PUS3: variants seen among roughly 807,000 people sequenced by gnomAD.
PUS3 encodes tRNA pseudouridine(38/39) synthase.
Under a neutral mutation model 43.3 loss-of-function variants are expected in PUS3, and 36 were observed. That is an observed-to-expected ratio of 0.83 (90% CI 0.64 to 1.10). The LOEUF is 1.10. Ranked by LOEUF, PUS3 falls within the 50% of genes least tolerant of loss-of-function variation. The pLI, the probability that PUS3 is intolerant of heterozygous loss-of-function variation, is 0.00. For synonymous variants in PUS3, 183 were observed against 199.2 expected, an observed-to-expected ratio of 0.92 and a Z score of 0.69; for missense variants, 544 against 589.9, an observed-to-expected ratio of 0.92 and a Z score of 0.81.
Position 125,895,646 on chromosome 11 carries a change from T to C in PUS3, c.522A>G (p.Ile174Met). 6.2e-7 allele frequency: 1 copy of C among 1,614,240 alleles called. No homozygotes were observed. The highest frequency in any genetic ancestry group is 8.5e-7 in the Non-Finnish European group (1 of 1,180,042). ...TTGGTTCTACAGGGGCCCAGGCCAA[T>C]ATACGGATGTCTGGAGGGAGTACCC... ...LNRVLPPDIRILAWAPVEPSF... is the reference protein window; with the variant it reads ...LNRVLPPDIRMLAWAPVEPSF... The change falls in exon 3 of 4, where the codon ATA becomes ATG. Residue 174 changes from isoleucine to methionine, a missense_variant. Ile to Met is a conservative substitution (Grantham distance 10, BLOSUM62 1). Coordinates refer to ENST00000227474, the MANE Select transcript of PUS3 (RefSeq NM_031307.4).
intron 1 of PUS3, among the ~76,000 whole-genome samples, chr11:125,902,579 C>T (rs1944807269): frequency 6.9e-6 from 1 of 145,876 alleles, no homozygotes; most frequent in African/African-American, 2.6e-5. Flanking sequence ...CGCCACTTCA[C>T]TCAGCCTGGG....
Position 125,895,580 on chromosome 11 carries a change from G to A in PUS3, c.588C>T (p.Arg196=), listed in dbSNP as rs533170206. The change falls in exon 3 of 4, where the codon CGC becomes CGT. Residue 196 remains arginine, a synonymous_variant. Coordinates refer to ENST00000227474, the MANE Select transcript of PUS3 (RefSeq NM_031307.4). ...CTAAATCAGCACGAGGGAAAAAATA[G>A]CGGTAAGTCCGCTCAAGGCAGCTGA... ...ARFSCLERTY[R]YFFPRADLDI... 6.2e-7 allele frequency: 1 copy of A among 1,614,180 alleles called. No homozygotes were observed. Among genetic ancestry groups the A allele is most frequent in the African/African-American group, 1.3e-5 (1 of 75,050 alleles).
At chr11:125,902,277 A>G (rs1944795280) in intron 1 of PUS3, among the ~76,000 whole-genome samples, 1 of 151,852 alleles carries the variant, frequency 6.6e-6, no homozygotes, top group Non-Finnish European at 1.5e-5. Flanking sequence ...ACCAATTACA[A>G]ACTAAAACGG....
In PUS3 at chr11:125,896,213, C is replaced by T. The variant is rs757946102; in HGVS notation, c.72G>A (p.Glu24=). 1.2e-6 allele frequency: 2 copies of T among 1,614,066 alleles called. No individual in the cohort carries two copies. The highest frequency in any genetic ancestry group is 4.5e-5 in the East Asian group (2 of 44,878). The stretch of plus-strand genomic sequence containing the variant: ...CCTGTTCCTTTTTAAGTCTTTGCAC[C>T]TCTTGCTCCAGTTCTCGTACTCTTT... The part of the protein sequence containing the change: ...LLKRVRELEQ[E]VQRLKKEQAK... The change falls in exon 2 of 4, where the codon GAG becomes GAA. Residue 24 remains glutamate (E), a synonymous_variant. Coordinates refer to ENST00000227474, the MANE Select transcript of PUS3 (RefSeq NM_031307.4).
At position 125,895,908 on chromosome 11, in the gene PUS3, T is replaced by C. The variant is rs1944569921; in HGVS notation, c.377A>G (p.Gln126Arg). 2.5e-6 allele frequency: 4 copies of C among 1,611,918 alleles called. No individual in the cohort carries two copies. Among genetic ancestry groups the C allele is most frequent in the Non-Finnish European group, 3.4e-6 (4 of 1,179,804 alleles). ...GAGAAACAGTGTATTGGCCCTTACC[T>C]GTCCAAAGGCACTAACTCCTTTATC... is the stretch of plus-strand genomic sequence containing the variant. ...RTDKGVSAFG[Q>R]VISLDLRSQF... The change falls in exon 2 of 4, where the codon CAG (glutamine) becomes CGG (arginine). Residue 126 changes from glutamine to arginine, a missense_variant and splice_region_variant. By Grantham distance (43) the Gln-to-Arg change is conservative. Coordinates refer to ENST00000227474, the MANE Select transcript of PUS3 (RefSeq NM_031307.4).
chr11:125,894,108 G>A lies in PUS3; in HGVS notation c.1123C>T (p.Pro375Ser), dbSNP rs767630516. Residue 375 changes from proline (P) to serine (S), a missense_variant, in exon 4 of 4, where the codon CCC becomes TCC. Coordinates refer to ENST00000227474, the MANE Select transcript of PUS3 (RefSeq NM_031307.4). ...MLQGLDTVPVPCGIGPKMDGM... is the reference protein window; with the variant it reads ...MLQGLDTVPVSCGIGPKMDGM... Reference sequence around the variant, plus strand: ...TCCATCTTTGGTCCTATTCCACAGGGTACTGGAACAGTGTCCAGTCCTTGT... The same window carrying A: ...TCCATCTTTGGTCCTATTCCACAGGATACTGGAACAGTGTCCAGTCCTTGT... 41 of 1,613,858 alleles carry A rather than the reference G, an allele frequency of 2.5e-5. No individual in the cohort carries two copies. Among genetic ancestry groups the A allele is most frequent in the Non-Finnish European group, 3.2e-5 (38 of 1,179,936 alleles).
chr11:125,899,141 G>C (rs1319183150), intron 1 of PUS3: 1 of 542,296 alleles, frequency 1.8e-6, no homozygotes, highest in African/African-American at 1.9e-5. Flanking sequence ...GCAGGAGTAA[G>C]AGTGGAAATG....
chr11:125,898,827 A>G (rs747954367), intron 1 of PUS3, among the ~76,000 whole-genome samples: 1 of 152,146 alleles, frequency 6.6e-6, no homozygotes, highest in African/African-American at 2.4e-5. Flanking sequence ...GTCTGAAGCC[A>G]AACTGCTTGA....
At chr11:125,901,138 T>C (rs1944763057) in intron 1 of PUS3, among the ~76,000 whole-genome samples, 1 of 152,220 alleles carries the variant, frequency 6.6e-6, no homozygotes. Flanking sequence ...TTTAAAATAC[T>C]TTCTAACAAA....
At chr11:125,900,280 C>T in intron 1 of PUS3, 5 of 1,613,124 alleles carry the variant, frequency 3.1e-6, no homozygotes, top group Non-Finnish European at 4.2e-6. Context: ...TCTTTTTAAA[C>T]TTCTTTCACA....
Position 125,899,957 on chromosome 11 carries a change from C to T in PUS3, c.-47+3213G>A, listed in dbSNP as rs192439596. On this transcript the variant is annotated intron_variant, in intron 1 of 3. Transcript: ENST00000227474. ...TGCCAGCAGACCCAAGTCCTTTATT[C>T]TCCCAAAGCTGGACCAGTTAAGCCG... The T allele has an allele frequency of 1.9e-5, 30 of 1,614,240 alleles. No homozygotes were observed. The East Asian group carries it at 5.1e-4, about 28-fold the overall frequency.
In PUS3 at chr11:125,893,717, T is replaced by A; in HGVS notation, c.*68A>T. The A allele has an allele frequency of 1.5e-6, 2 of 1,311,456 alleles. No individual in the cohort carries two copies. The highest frequency in any genetic ancestry group is 1.8e-5 in the South Asian group (1 of 54,084). 81.2% of individuals were successfully genotyped at this position (1,311,456 alleles called of 1,614,324 possible). On this transcript the variant is annotated 3_prime_UTR_variant, in exon 4 of 4. Coordinates refer to ENST00000227474, the MANE Select transcript of PUS3 (RefSeq NM_031307.4). ...GAATTCCTAGTACTTGCAAGTAAATTTTTTTTTTTTTCCTTTTCTGTCCAC... is the reference window on the plus strand; with the variant it reads ...GAATTCCTAGTACTTGCAAGTAAATATTTTTTTTTTTCCTTTTCTGTCCAC...
Position 125,900,229 on chromosome 11 carries a change from C to T in PUS3, c.-47+2941G>A, listed in dbSNP as rs1336346220. The T allele has an allele frequency of 6.2e-7, 1 of 1,614,158 alleles. No homozygotes were observed. Among genetic ancestry groups the T allele is most frequent in the Non-Finnish European group, 8.5e-7 (1 of 1,180,022 alleles). On this transcript the variant is annotated intron_variant, in intron 1 of 3. Transcript: ENST00000227474. The stretch of plus-strand genomic sequence containing the variant: ...TTCGTTGTGACCTTGCAAATGGTGT[C>T]ATACCCAGGAAGCTTCCCTTCCCTC...
chr11:125,899,754 G>A (rs1448294428), intron 1 of PUS3: 1 of 1,614,052 alleles, frequency 6.2e-7, no homozygotes. Flanking sequence ...CAGGATCTCT[G>A]GGACTTAAGA....
rs1015774005 is a variant in PUS3, at chr11:125,900,262, T to C, written c.-47+2908A>G. ...GGAAGCTTCCCTTCCCTCTTTCTCCTTCTTAAATCTTTTTAAACTTCTTTC... is the reference window on the plus strand; with the variant it reads ...GGAAGCTTCCCTTCCCTCTTTCTCCCTCTTAAATCTTTTTAAACTTCTTTC... On this transcript the variant is annotated intron_variant, in intron 1 of 3. Transcript: ENST00000227474. 2.0e-5 allele frequency: 33 copies of C among 1,613,796 alleles called. No homozygotes were observed. Among genetic ancestry groups the C allele is most frequent in the African/African-American group, 2.7e-5 (2 of 74,934 alleles).
chr11:125,893,846 G>A lies in PUS3; in HGVS notation c.1385C>T (p.Thr462Ile), dbSNP rs1377366021. 1.2e-6 allele frequency: 2 copies of A among 1,613,818 alleles called. No homozygotes were observed. The highest frequency in any genetic ancestry group is 1.1e-5 in the South Asian group (1 of 91,056). Residue 462 changes from threonine to isoleucine, a missense_variant, in exon 4 of 4, where the codon ACT becomes ATT. Thr to Ile is a moderately conservative substitution (Grantham distance 89). Transcript: ENST00000227474. ...CCTCTTCGTTGGTGTCTCCAAATTA[G>A]TATTCTCTTCCTCTAGTGTGTCATT... ...DCNDTLEEEN[T>I]NLETPTKRVC...
chr11:125,897,537 T>C (rs1477263812), intron 1 of PUS3, among the ~76,000 whole-genome samples: 1 of 133,028 alleles, frequency 7.5e-6, no homozygotes, highest in Non-Finnish European at 1.6e-5. Context: ...AAAAAAAAAA[T>C]CCAGCAACCT....
chr11:125,893,733 T>TTTTG lies in PUS3; in HGVS notation c.*51_*52insCAAA. On this transcript the variant is annotated 3_prime_UTR_variant, in exon 4 of 4. Transcript: ENST00000227474. ...CAAGTAAATTTTTTTTTTTTTCCTTTTCTGTCCACCTACCATTAGGTGGTT... is the reference window on the plus strand; with the variant it reads ...CAAGTAAATTTTTTTTTTTTTCCTTTTTTGTCTGTCCACCTACCATTAGGTGGTT... 1 of 1,448,582 alleles carries TTTTG rather than the reference T, an allele frequency of 6.9e-7. No individual in the cohort carries two copies. 89.7% of individuals were successfully genotyped at this position (1,448,582 alleles called of 1,614,324 possible). A position where few individuals can be genotyped will look rare whatever the true frequency, so the allele number is the denominator to read the frequency against.
chr11:125,893,698 C>A lies in PUS3; in HGVS notation c.*87G>T. Reference sequence around the variant, plus strand: ...TTTTAAGAGCTGATCATCTGAATTCCTAGTACTTGCAAGTAAATTTTTTTT... The same window carrying A: ...TTTTAAGAGCTGATCATCTGAATTCATAGTACTTGCAAGTAAATTTTTTTT... On this transcript the variant is annotated 3_prime_UTR_variant, in exon 4 of 4. Transcript: ENST00000227474. 9.4e-7 allele frequency: 1 copy of A among 1,062,242 alleles called. No individual in the cohort carries two copies. The highest frequency in any genetic ancestry group is 1.3e-6 in the Non-Finnish European group (1 of 764,966). 65.8% of individuals were successfully genotyped at this position (1,062,242 alleles called of 1,614,324 possible).
Sources: gnomAD v4.1 joint callset for allele counts (sites outside exome capture counted in the v4.1 genomes callset) on GRCh38, gnomAD v4.1.1 for gene constraint, MANE v1.5 for transcripts, NCBI Gene and HGNC (gene_info 2026-07-23, HGNC 2026-07-21) for gene names.